The following CUBN variants were observed in gnomAD, a reference collection of about 807,000 sequenced individuals.
CUBN encodes the protein 460 kDa receptor.
CUBN carries 282 observed loss-of-function variants against 405.3 expected under a neutral mutation model. The observed-to-expected ratio is 0.70, with a 90% CI of 0.63 to 0.77. CUBN has a LOEUF of 0.77. Ranked by LOEUF, CUBN falls within the 30% of genes least tolerant of loss-of-function variation. The pLI is 0.00. For synonymous variants in CUBN, 1,684 were observed against 1,617.0 expected, an observed-to-expected ratio of 1.04 and a Z score of -0.99; for missense variants, 4,514 against 4,475.2, an observed-to-expected ratio of 1.01 and a Z score of -0.25.
chr10:17,109,821 T>C, intron 9 of CUBN, 86 bp from the exon 10 acceptor site: 3 of 1,029,422 alleles, frequency 2.9e-6, no homozygotes, highest in Non-Finnish European at 3.1e-6. Context: ...TATCATGAAA[T>C]GGACCAATCA....
chr10:16,878,025 C>T (rs1165806379), intron 56 of CUBN, among the ~76,000 whole-genome samples: 11 of 152,344 alleles, frequency 7.2e-5, no homozygotes, highest in African/African-American at 2.4e-4. Context: ...TGGTGGCTCA[C>T]GCCTATAATC....
intron 48 of CUBN, among the ~76,000 whole-genome samples, chr10:16,913,296 A>G (rs1841785321): frequency 6.6e-6 from 1 of 152,128 alleles, no homozygotes; most frequent in Non-Finnish European, 1.5e-5. Context: ...ACACTCAGGG[A>G]TCTCATTTGC....
chr10:16,943,111 G>A (rs948063633), intron 36 of CUBN, among the ~76,000 whole-genome samples: 3 of 152,272 alleles, frequency 2.0e-5, no homozygotes, highest in African/African-American at 7.2e-5. Flanking sequence ...AATATACCAG[G>A]CACATCTCTG....
chr10:17,047,427 A>G lies in CUBN; in HGVS notation c.3316T>C (p.Phe1106Leu). 6.2e-7 allele frequency: 1 copy of G among 1,612,474 alleles called. No individual in the cohort carries two copies. The highest frequency in any genetic ancestry group is 8.5e-7 in the Non-Finnish European group (1 of 1,178,750). The change falls in exon 23 of 67, where the codon TTT becomes CTT. Residue 1106 changes from phenylalanine (F) to leucine (L), a missense_variant. Transcript: ENST00000377833. ...AAAAGTGCTGACCTGATTTCCAGAA[A>G]ATCTGTATAATAGTTTCCAATGGCT... ...EEAIGNYYTD[F>L]LEIRDGGYEK...
rs977337542 is a variant in CUBN, at chr10:17,020,106, T to C, written c.4018-123A>G. 4 of 1,005,998 alleles carry C rather than the reference T, an allele frequency of 4.0e-6. No individual in the cohort carries two copies. In the African/African-American group the frequency reaches 6.3e-5, roughly 16 times the overall value. 62.3% of individuals were successfully genotyped at this position (1,005,998 alleles called of 1,614,324 possible). ...AAAGTTAGAGGTAAATCTGCTGAGG[T>C]GGGTTGAGTACACAGAACTCAACAT... On this transcript the variant is annotated intron_variant, in intron 27 of 66. Transcript: ENST00000377833.
At chr10:17,061,217 T>C (rs1835498685) in intron 22 of CUBN, among the ~76,000 whole-genome samples, 1 of 152,190 alleles carries the variant, frequency 6.6e-6, no homozygotes, top group African/African-American at 2.4e-5. Context: ...TCATGAGCAG[T>C]TACAGTCCAA....
At chr10:17,006,593 G>C (rs1269916383) in intron 28 of CUBN, among the ~76,000 whole-genome samples, 1 of 152,124 alleles carries the variant, frequency 6.6e-6, no homozygotes, top group Non-Finnish European at 1.5e-5. Context: ...AAAGAGACCT[G>C]GAGCAAAGAT....
chr10:17,045,368 T>A lies in CUBN; in HGVS notation c.3491-180A>T, dbSNP rs138366903. 0.076 allele frequency among the ~76,000 whole-genome samples: 11,484 copies of A among 150,732 alleles called. 624 individuals carry two copies. Among genetic ancestry groups the A allele is most frequent in the East Asian group, 0.25 (1,312 of 5,154 alleles). ...AATTTTTATTTTTTTCTATTTTTTTTTTTTTTTTTGAGATGGAGTCTCACT... is the reference window on the plus strand; with the variant it reads ...AATTTTTATTTTTTTCTATTTTTTTATTTTTTTTTGAGATGGAGTCTCACT... On this transcript the variant is annotated intron_variant, in intron 24 of 66. Transcript: ENST00000377833.
intron 28 of CUBN, among the ~76,000 whole-genome samples, chr10:16,999,661 CTTCT>C: frequency 6.6e-6 from 1 of 152,318 alleles, no homozygotes; most frequent in East Asian, 1.9e-4. Flanking sequence ...CTACTGAAAG[CTTCT>C]TTATGAAATC....
chr10:16,920,145 CAAACACACTT>C lies in CUBN; in HGVS notation c.6647-18_6647-9del, dbSNP rs770523740. On this transcript the variant is annotated splice_polypyrimidine_tract_variant and intron_variant, in intron 43 of 66. Transcript: ENST00000377833. ...AGACGTTGCCCCCACAGGCTGTGAG[CAAACACACTT>C]AAATCAGTCTATGATCTGGTGAAGG... The C allele has an allele frequency of 1.8e-5, 29 of 1,613,772 alleles. No individual in the cohort carries two copies. In the African/African-American group the frequency reaches 3.5e-4, roughly 19 times the overall value.
intron 31 of CUBN, among the ~76,000 whole-genome samples, chr10:16,959,122 A>G (rs1012716935): frequency 1.3e-5 from 2 of 152,150 alleles, no homozygotes; most frequent in Non-Finnish European, 2.9e-5. Flanking sequence ...CAAAGGCCAT[A>G]CCTCCTGACA....
chr10:16,889,789 C>T (rs534161671), intron 55 of CUBN, among the ~76,000 whole-genome samples: 1 of 151,830 alleles, frequency 6.6e-6, no homozygotes, highest in Non-Finnish European at 1.5e-5. Flanking sequence ...GTAGTCCCAG[C>T]TACTCGGCAG....
chr10:16,990,877 C>T (rs911213121), intron 28 of CUBN, among the ~76,000 whole-genome samples: 1 of 151,972 alleles, frequency 6.6e-6, no homozygotes, highest in Non-Finnish European at 1.5e-5. Flanking sequence ...TACAATGGAC[C>T]GTGTGAGCCG....
Position 16,938,969 on chromosome 10 carries a change from T to C in CUBN, c.5727A>G (p.Lys1909=). 6.2e-7 allele frequency: 1 copy of C among 1,612,836 alleles called. No homozygotes were observed. Among genetic ancestry groups the C allele is most frequent in the Non-Finnish European group, 8.5e-7 (1 of 1,179,090 alleles). ...IEEIQNCYYD[K]LRIYDGPSIH... ...ATTGCATGTGGAAACTCACCCTTAA[T>C]TTGTCATAATAGCAGTTTTGTATTT... is the stretch of plus-strand genomic sequence containing the variant. Residue 1909 remains lysine, a synonymous_variant, in exon 38 of 67, where the codon AAA becomes AAG. Transcript: ENST00000377833.
chr10:17,004,249 T>C (rs1833959876), intron 28 of CUBN, among the ~76,000 whole-genome samples: 1 of 152,238 alleles, frequency 6.6e-6, no homozygotes, highest in African/African-American at 2.4e-5. Flanking sequence ...GCTTCCTAAC[T>C]GATCATGCTC....
At chr10:16,838,095 C>T (rs12360083) in intron 62 of CUBN, among the ~76,000 whole-genome samples, 6,084 of 152,216 alleles carry the variant, frequency 0.04, 181 homozygotes, top group Non-Finnish European at 0.063. Flanking sequence ...AATGGAATGA[C>T]GATAATCTAG....
Position 17,122,707 on chromosome 10 carries a change from A to T in CUBN, c.593+88T>A. 6 of 797,148 alleles carry T rather than the reference A, an allele frequency of 7.5e-6. No individual in the cohort carries two copies. In the South Asian group the frequency reaches 8.9e-5, roughly 12 times the overall value. The allele number at this position is 797,148 out of a possible 1,614,324, so 49.4% of individuals were successfully genotyped here. Reference sequence around the variant, plus strand: ...AGTACCAACTTTTGGTGGAATACAGATAGTTAATTTAGGATGCTCTTAACT... The same window carrying T: ...AGTACCAACTTTTGGTGGAATACAGTTAGTTAATTTAGGATGCTCTTAACT... On this transcript the variant is annotated intron_variant, in intron 6 of 66. Coordinates refer to ENST00000377833, the MANE Select transcript of CUBN (RefSeq NM_001081.4).
intron 58 of CUBN, among the ~76,000 whole-genome samples, chr10:16,873,292 T>A (rs940666942): frequency 1.1e-4 from 16 of 152,186 alleles, no homozygotes; most frequent in African/African-American, 3.9e-4. Flanking sequence ...GGAGGTTGCA[T>A]TGCCCTCATC....
intron 28 of CUBN, among the ~76,000 whole-genome samples, chr10:17,013,320 C>G (rs1167614045): frequency 6.6e-6 from 1 of 151,640 alleles, no homozygotes; most frequent in African/African-American, 2.4e-5. Flanking sequence ...GTCTCTCTGT[C>G]TCTTCTTCTC....
Sources: allele counts gnomAD v4.1 joint callset (sites outside exome capture counted in the v4.1 genomes callset), GRCh38; gene constraint gnomAD v4.1.1; transcripts MANE v1.5; gene names NCBI Gene and HGNC (gene_info 2026-07-23, HGNC 2026-07-21).